The following PLXNA1 variants were observed in gnomAD, a reference collection of about 807,000 sequenced individuals.
PLXNA1 encodes the protein plexin A1, also known as plexin-A1.
PLXNA1 carries 77 observed loss-of-function variants against 191.7 expected under a neutral mutation model. The ratio of observed to expected loss-of-function variants is 0.40; its 90% CI spans 0.33 to 0.49. The LOEUF is 0.49. Among genes scored for constraint, PLXNA1 ranks in the 20% least tolerant of loss-of-function variants. The pLI, the probability that PLXNA1 is intolerant of heterozygous loss-of-function variation, is 0.63. For missense variants in PLXNA1, 2,110 were observed against 2,660.2 expected (o/e 0.79, Z 4.55); for synonymous variants, 1,137 against 1,156.4 (o/e 0.98, Z 0.34).
chr3:127,009,929 T>A (rs548450260), intron 9 of PLXNA1, among the ~76,000 whole-genome samples: 2 of 152,320 alleles, frequency 1.3e-5, no homozygotes, highest in East Asian at 3.9e-4. Flanking sequence ...CTCTTAGAAA[T>A]GCCTGTTTCT....
intron 1 of PLXNA1, among the ~76,000 whole-genome samples, chr3:126,988,317 G>T (rs893586392): frequency 6.6e-6 from 1 of 152,200 alleles, no homozygotes; most frequent in Non-Finnish European, 1.5e-5. Context: ...GGTGTCCTGG[G>T]GATACCTGGT....
At position 127,014,577 on chromosome 3, in the gene PLXNA1, G is replaced by C. The variant is rs145637703; in HGVS notation, c.2704G>C (p.Val902Leu). 8 of 1,612,992 alleles carry C rather than the reference G, an allele frequency of 5.0e-6. No individual in the cohort carries two copies. In the African/African-American group the frequency reaches 6.7e-5, roughly 13 times the overall value. ...RFEDVRLGVR[V>L]GKVLCSPVES... is the part of the protein sequence containing the mutation. Reference sequence around the variant, plus strand: ...CGAAGACGTGCGTCTGGGCGTGCGCGTGGGCAAGGTGCTGTGCAGCCCTGT... The same window carrying C: ...CGAAGACGTGCGTCTGGGCGTGCGCCTGGGCAAGGTGCTGTGCAGCCCTGT... Residue 902 changes from valine (V) to leucine (L), a missense_variant, in exon 13 of 32, where the codon GTG (valine) becomes CTG (leucine). By Grantham distance (32) the Val-to-Leu change is conservative (BLOSUM62 1). This residue lies in a region of PLXNA1 where 644 missense variants were observed against 714.3 expected (regional missense o/e 0.90). Transcript: ENST00000393409.
intron 1 of PLXNA1, among the ~76,000 whole-genome samples, chr3:126,984,980 C>T (rs1005720560): frequency 6.6e-6 from 1 of 152,146 alleles, no homozygotes; most frequent in Non-Finnish European, 1.5e-5. Flanking sequence ...CCTCCCATGA[C>T]CCCCGTTGTG....
At position 127,019,766 on chromosome 3, in the gene PLXNA1, C is replaced by T. The variant is rs73196564; in HGVS notation, c.3896-436C>T. Among the ~76,000 whole-genome samples, 1,073 of 152,248 alleles carry T rather than the reference C, an allele frequency of 7.0e-3. 9 individuals are homozygous for T. The highest frequency in any genetic ancestry group is 0.012 in the Non-Finnish European group (785 of 68,000). ...AGAGCTGGCCCTGAGCAGGGTGGGC[C>T]ATGTTGAGGGTGCACCAGGCCCGAG... On this transcript the variant is annotated intron_variant, in intron 20 of 31. Coordinates refer to ENST00000393409, the MANE Select transcript of PLXNA1 (RefSeq NM_032242.4).
At chr3:127,013,613 T>G (rs1394756162) in intron 10 of PLXNA1, among the ~76,000 whole-genome samples, 1 of 152,210 alleles carries the variant, frequency 6.6e-6, no homozygotes, top group African/African-American at 2.4e-5. Context: ...ATCTCCCACC[T>G]CAAGGCAGGG....
chr3:126,993,876 G>A (rs984879257), intron 3 of PLXNA1, among the ~76,000 whole-genome samples: 4 of 152,254 alleles, frequency 2.6e-5, no homozygotes, highest in African/African-American at 9.6e-5. Context: ...AAACTGTCCA[G>A]CAGCTGGGCA....
In PLXNA1 at chr3:127,034,134, C is replaced by T. The variant is rs527975744; in HGVS notation, c.*117C>T. On this transcript the variant is annotated 3_prime_UTR_variant, in exon 32 of 32. Coordinates refer to ENST00000393409, the MANE Select transcript of PLXNA1 (RefSeq NM_032242.4). Reference sequence around the variant, plus strand: ...TGGTGCTCGGGCCGCCGCAGTGCAGCGACTGCCCGGCCCTCCCTCCCCTGC... The same window carrying T: ...TGGTGCTCGGGCCGCCGCAGTGCAGTGACTGCCCGGCCCTCCCTCCCCTGC... The T allele has an allele frequency of 4.6e-4, 425 of 925,964 alleles. 2 individuals carry two copies. In the African/African-American group the frequency reaches 6.3e-3, roughly 14 times the overall value. 57.4% of individuals were successfully genotyped at this position (925,964 alleles called of 1,614,324 possible).
rs958051405 is a variant in PLXNA1 at position 127,029,653 on chromosome 3, G to A, written c.4870+117G>A. 8 of 1,201,972 alleles carry A rather than the reference G, an allele frequency of 6.7e-6. No homozygotes were observed. The East Asian group carries it at 2.0e-4, about 29-fold the overall frequency. The allele number at this position is 1,201,972 out of a possible 1,614,324, so 74.5% of individuals were successfully genotyped here. A position where few individuals can be genotyped will look rare whatever the true frequency, so the allele number is the denominator to read the frequency against. ...GGGAGGACCCAGGGGCAGGTGTCAA[G>A]CCTGTCACTCGCACTCTTGGCCTTA... On this transcript the variant is annotated intron_variant, in intron 27 of 31. Coordinates refer to ENST00000393409, the MANE Select transcript of PLXNA1 (RefSeq NM_032242.4).
chr3:126,989,433 C>T lies in PLXNA1; in HGVS notation c.840C>T (p.Ser280=). 1 of 1,613,624 alleles carries T rather than the reference C, an allele frequency of 6.2e-7. No homozygotes were observed. Among genetic ancestry groups the T allele is most frequent in the Non-Finnish European group, 8.5e-7 (1 of 1,180,040 alleles). ...CCGCCGGCGAGCACTTCTTCACGTC[C>T]AAGATCGTGCGGCTCTGTGTGGACG... ...PDAAGEHFFT[S]KIVRLCVDDP... is the part of the protein sequence containing the mutation. Residue 280 remains serine (S), a synonymous_variant, in exon 2 of 32, where the codon TCC becomes TCT. Transcript: ENST00000393409.
In PLXNA1 at chr3:127,014,237, C is replaced by G; in HGVS notation, c.2466C>G (p.Ala822=). 1.2e-6 allele frequency: 2 copies of G among 1,605,254 alleles called. No homozygotes were observed. The highest frequency in any genetic ancestry group is 1.3e-5 in the African/African-American group (1 of 74,856). The change falls in exon 12 of 32, where the codon GCC becomes GCG. Residue 822 remains alanine (A), a synonymous_variant. Transcript: ENST00000393409. ...LRESCGLCLK[A]DPRFECGWCV... ...AGAGCTGCGGCCTCTGCCTCAAGGC[C>G]GACCCGCGCTTCGAGTGCGGATGGT...
chr3:127,030,289 G>T lies in PLXNA1; in HGVS notation c.5108G>T (p.Ser1703Ile), dbSNP rs2079202422. The change falls in exon 29 of 32, where the codon AGC becomes ATC. Residue 1703 changes from serine to isoleucine, a missense_variant. Around this residue, in one of 4 missense-constraint regions of PLXNA1, gnomAD observed 559 missense variants for 911.5 expected, o/e 0.61. Transcript: ENST00000393409. ...FVDDLFETIF[S>I]TAHRGSALPL... ...GACGACCTGTTTGAGACCATCTTCA[G>T]CACGGCACACCGGGGCTCAGCCCTG... 6.2e-7 allele frequency: 1 copy of T among 1,613,790 alleles called. No individual in the cohort carries two copies. Among genetic ancestry groups the T allele is most frequent in the Admixed American group, 1.7e-5 (1 of 60,006 alleles).
chr3:127,011,076 G>A (rs965291457), intron 9 of PLXNA1, among the ~76,000 whole-genome samples: 6 of 152,216 alleles, frequency 3.9e-5, no homozygotes, highest in South Asian at 4.1e-4. Flanking sequence ...CACTGGGCGC[G>A]CCTCAGACTG....
chr3:126,984,675 G>T (rs982675422), intron 1 of PLXNA1, among the ~76,000 whole-genome samples: 3 of 152,190 alleles, frequency 2.0e-5, no homozygotes, highest in Admixed American at 2.0e-4. Context: ...CAGCATGGGC[G>T]GAGGCCTGGG....
intron 3 of PLXNA1, 135 bp from the exon 4 acceptor site, chr3:127,003,195 T>C: frequency 1.0e-6 from 1 of 979,918 alleles, no homozygotes; most frequent in Admixed American, 2.7e-5. Flanking sequence ...TGAGTATGGC[T>C]GGCGCTGGTC....
rs367838734 is a variant in PLXNA1 at position 127,014,025 on chromosome 3, C to T, written c.2319C>T (p.Ser773=). 83 of 1,613,586 alleles carry T rather than the reference C, an allele frequency of 5.1e-5. No homozygotes were observed. Among genetic ancestry groups the T allele is most frequent in the Non-Finnish European group, 6.9e-5 (81 of 1,179,898 alleles). Residue 773 remains serine, a synonymous_variant, in exon 11 of 32, where the codon TCC becomes TCT. Coordinates refer to ENST00000393409, the MANE Select transcript of PLXNA1 (RefSeq NM_032242.4). ...SSLQCQNSSY[S]YEGNDVSDLP... ...ACGGTGCCATCACCTAACAGTACTC[C>T]TACGAGGGGAACGATGTCAGCGACC...
At chr3:127,016,891 C>A (rs2107633090) in intron 16 of PLXNA1, 53 bp from the exon 17 acceptor site, 1 of 1,493,230 alleles carries the variant, frequency 6.7e-7, no homozygotes, top group African/African-American at 1.4e-5. Flanking sequence ...ACGTTTCCAG[C>A]TCACTGGGCC....
At position 126,988,928 on chromosome 3, in the gene PLXNA1, A is replaced by G; in HGVS notation, c.335A>G (p.Asp112Gly). ...QSCPHGLGSTDNVNKLLLLDY... is the reference protein window; with the variant it reads ...QSCPHGLGSTGNVNKLLLLDY... Reference sequence around the variant, plus strand: ...TGCCCCCACGGCCTGGGCAGTACTGACAACGTCAACAAGCTGCTGCTGCTG... The same window carrying G: ...TGCCCCCACGGCCTGGGCAGTACTGGCAACGTCAACAAGCTGCTGCTGCTG... Residue 112 changes from aspartate (D) to glycine (G), a missense_variant, in exon 2 of 32, where the codon GAC becomes GGC. Coordinates refer to ENST00000393409, the MANE Select transcript of PLXNA1 (RefSeq NM_032242.4). 6.2e-7 allele frequency: 1 copy of G among 1,613,190 alleles called. No individual in the cohort carries two copies. The highest frequency in any genetic ancestry group is 8.5e-7 in the Non-Finnish European group (1 of 1,180,000).
intron 1 of PLXNA1, among the ~76,000 whole-genome samples, chr3:126,983,746 T>A (rs919660): frequency 6.6e-6 from 1 of 151,700 alleles, no homozygotes; most frequent in African/African-American, 2.4e-5. Context: ...TCCAGGCCCG[T>A]CCCGGCCGCT....
At chr3:126,997,746 C>G (rs531595382) in intron 3 of PLXNA1, among the ~76,000 whole-genome samples, 1 of 152,206 alleles carries the variant, frequency 6.6e-6, no homozygotes, top group Non-Finnish European at 1.5e-5. Flanking sequence ...TGGTGGTGTG[C>G]GAGGGTGCAT....
Sources: gnomAD v4.1 joint callset for allele counts (sites outside exome capture counted in the v4.1 genomes callset) on GRCh38, gnomAD v4.1.1 for gene constraint, gnomAD v4.1.1 regional missense constraint, MANE v1.5 for transcripts, NCBI Gene and HGNC (gene_info 2026-07-23, HGNC 2026-07-21) for gene names.